The following TCF12 variants were observed in gnomAD, a reference collection of about 807,000 sequenced individuals.
The protein encoded by TCF12 is DNA-binding protein HTF4.
In TCF12, 45 loss-of-function variants were observed where a neutral mutation model predicts 86.0. That is an observed-to-expected ratio of 0.52 (90% CI 0.41 to 0.67). The LOEUF (loss-of-function observed/expected upper bound fraction) is 0.67, where lower values mean the gene tolerates loss of function less well. Ranked by LOEUF, TCF12 falls within the 30% of genes least tolerant of loss-of-function variation. The probability of loss-of-function intolerance (pLI) is 0.00; values close to 1 mark genes in which losing one functional copy is unlikely to be tolerated. For missense variants in TCF12, 881 were observed against 859.9 expected (o/e 1.02, Z -0.31); for synonymous variants, 330 against 299.6 (o/e 1.10, Z -1.05).
chr15:57,213,493 C>G (rs1309674326), intron 8 of TCF12, among the ~76,000 whole-genome samples: 1 of 152,002 alleles, frequency 6.6e-6, no homozygotes, highest in Non-Finnish European at 1.5e-5. Context: ...AGATTGGGGA[C>G]CAAAAAATAA....
chr15:57,028,448 C>T (rs1405881847), intron 3 of TCF12, among the ~76,000 whole-genome samples: 1 of 152,104 alleles, frequency 6.6e-6, no homozygotes, highest in Non-Finnish European at 1.5e-5. Flanking sequence ...TTTTAGTTTG[C>T]ATTTCCCTGA....
chr15:57,145,498 G>A (rs2053293895), intron 5 of TCF12, among the ~76,000 whole-genome samples: 1 of 151,986 alleles, frequency 6.6e-6, no homozygotes, highest in African/African-American at 2.4e-5. Flanking sequence ...AAAAAAAAAT[G>A]TGTACTAGGG....
intron 3 of TCF12, among the ~76,000 whole-genome samples, chr15:57,020,202 G>A (rs1176771469): frequency 6.6e-6 from 1 of 152,202 alleles, no homozygotes; most frequent in Non-Finnish European, 1.5e-5. Flanking sequence ...TAGGACATGT[G>A]TGCCTTATTT....
At chr15:56,976,526 G>A (rs760274103) in intron 3 of TCF12, among the ~76,000 whole-genome samples, 30 of 151,770 alleles carry the variant, frequency 2.0e-4, no homozygotes, top group Non-Finnish European at 3.7e-4. Context: ...TCTTTTTATA[G>A]AACTATTACA....
Position 57,197,806 on chromosome 15 carries a change from C to T in TCF12, c.560C>T (p.Pro187Leu). 6.2e-7 allele frequency: 1 copy of T among 1,613,974 alleles called. No homozygotes were observed. Among genetic ancestry groups the T allele is most frequent in the Non-Finnish European group, 8.5e-7 (1 of 1,179,926 alleles). ...CAAGCAAAAAAAGTCAGAAAGGTGC[C>T]TCCTGGTTTGCCTTCTTCTGTAAGT... The part of the protein sequence containing the change: ...PLQAKKVRKV[P>L]PGLPSSVYAP... The change falls in exon 8 of 21, where the codon CCT (proline) becomes CTT (leucine). Residue 187 changes from proline (P) to leucine (L), a missense_variant. Coordinates refer to ENST00000333725, the MANE Select transcript of TCF12 (RefSeq NM_207037.2).
chr15:57,244,399 C>T (rs971248061), intron 13 of TCF12, among the ~76,000 whole-genome samples: 6 of 151,200 alleles, frequency 4.0e-5, no homozygotes, highest in Admixed American at 6.6e-5. Flanking sequence ...GTTTTTCTGC[C>T]GAGGAAAAAA....
At chr15:57,076,382 G>T (rs117335518) in intron 4 of TCF12, among the ~76,000 whole-genome samples, 3,034 of 152,098 alleles carry the variant, frequency 0.02, 51 homozygotes, top group Admixed American at 0.031. Flanking sequence ...AATAGGCCGG[G>T]CACGGTGGCT....
At chr15:57,010,282 G>A (rs2064745335) in intron 3 of TCF12, among the ~76,000 whole-genome samples, 1 of 151,884 alleles carries the variant, frequency 6.6e-6, no homozygotes, top group Non-Finnish European at 1.5e-5. Context: ...GCAAGCAGAA[G>A]TCAGCCTGTA....
chr15:57,195,584 A>C (rs141614633), intron 7 of TCF12, among the ~76,000 whole-genome samples: 20 of 152,354 alleles, frequency 1.3e-4, no homozygotes, highest in African/African-American at 4.6e-4. Flanking sequence ...TTGGGGTCAG[A>C]AATGAATACT....
chr15:56,944,538 G>A (rs1253040645), intron 3 of TCF12, among the ~76,000 whole-genome samples: 1 of 152,068 alleles, frequency 6.6e-6, no homozygotes, highest in Non-Finnish European at 1.5e-5. Flanking sequence ...TTTGCATTTT[G>A]ATAAACCTGT....
At chr15:56,971,525 G>A (rs1470114641) in intron 3 of TCF12, among the ~76,000 whole-genome samples, 1 of 152,136 alleles carries the variant, frequency 6.6e-6, no homozygotes, top group Non-Finnish European at 1.5e-5. Flanking sequence ...CTGAACTACT[G>A]TTTCAGGTTT....
intron 6 of TCF12, 46 bp downstream of exon 6, chr15:57,166,512 A>G (rs1449444963): frequency 2.7e-6 from 4 of 1,507,536 alleles, no homozygotes; most frequent in South Asian, 2.4e-5. Flanking sequence ...TTTTAAACAC[A>G]TAAATAAAGG....
At chr15:57,049,670 AAC>A (rs1477406780) in intron 3 of TCF12, among the ~76,000 whole-genome samples, 4 of 152,212 alleles carry the variant, frequency 2.6e-5, no homozygotes, top group African/African-American at 9.6e-5. Flanking sequence ...AGCTGCTATA[AAC>A]AGTTTTGTGT....
intron 5 of TCF12, among the ~76,000 whole-genome samples, chr15:57,137,753 G>T (rs552029358): frequency 1.3e-5 from 2 of 152,156 alleles, no homozygotes; most frequent in African/African-American, 2.4e-5. Context: ...ATTAGGTCGG[G>T]CACGGTGGCT....
chr15:57,013,292 A>G (rs965482880), intron 3 of TCF12, among the ~76,000 whole-genome samples: 2 of 152,164 alleles, frequency 1.3e-5, no homozygotes, highest in Non-Finnish European at 2.9e-5. Flanking sequence ...TGAGCTTGAC[A>G]AGCAGGTATT....
At chr15:57,139,907 G>A (rs1440903448) in intron 5 of TCF12, among the ~76,000 whole-genome samples, 2 of 152,148 alleles carry the variant, frequency 1.3e-5, no homozygotes, top group East Asian at 3.8e-4. Flanking sequence ...CTATCATTCA[G>A]TCATTATCAG....
chr15:57,198,555 T>G (rs1250888626), intron 8 of TCF12, among the ~76,000 whole-genome samples: 1 of 152,168 alleles, frequency 6.6e-6, no homozygotes, highest in African/African-American at 2.4e-5. Flanking sequence ...CTTTATTCTT[T>G]AAAGGAGTAA....
rs151183819 is a variant in TCF12 at position 57,257,783 on chromosome 15, G to A, written c.1468-4311G>A. Among the ~76,000 whole-genome samples, 21 of 151,688 alleles carry A rather than the reference G, an allele frequency of 1.4e-4. No homozygotes were observed. The East Asian group carries it at 2.7e-3, about 20-fold the overall frequency. Reference sequence around the variant, plus strand: ...GTTACTAGCAGTGTAAGGTCTACACGGACACAGTAACCATTTGGCTGAGCA... The same window carrying A: ...GTTACTAGCAGTGTAAGGTCTACACAGACACAGTAACCATTTGGCTGAGCA... On this transcript the variant is annotated intron_variant, in intron 16 of 20. Coordinates refer to ENST00000333725, the MANE Select transcript of TCF12 (RefSeq NM_207037.2).
chr15:57,007,611 A>G (rs567665585), intron 3 of TCF12, among the ~76,000 whole-genome samples: 189 of 148,686 alleles, frequency 1.3e-3, no homozygotes, highest in Non-Finnish European at 2.2e-3. Flanking sequence ...AAGAGGTAGT[A>G]TTAGATTATC....
Sources: allele counts gnomAD v4.1 joint callset (sites outside exome capture counted in the v4.1 genomes callset), GRCh38; gene constraint gnomAD v4.1.1; transcripts MANE v1.5; gene names NCBI Gene and HGNC (gene_info 2026-07-23, HGNC 2026-07-21).